Variants in KCNG4 observed in about 807,000 individuals in gnomAD.
The protein encoded by KCNG4 is voltage-gated potassium channel regulatory subunit KCNG4.
In KCNG4, 30 loss-of-function variants were observed where a neutral mutation model predicts 28.2. The observed-to-expected ratio is 1.06, with a 90% CI of 0.80 to 1.44. The LOEUF is 1.44. Among genes scored for constraint, KCNG4 ranks in the 40% most tolerant of loss-of-function variants. The pLI is 0.00. For synonymous variants in KCNG4, 375 were observed against 315.5 expected, an observed-to-expected ratio of 1.19 and a Z score of -2.00; for missense variants, 879 against 712.3, an observed-to-expected ratio of 1.23 and a Z score of -2.66.
chr16:84,237,810 C>A (rs1417418564), intron 1 of KCNG4, among the ~76,000 whole-genome samples: 1 of 152,164 alleles, frequency 6.6e-6, no homozygotes, highest in Non-Finnish European at 1.5e-5. Flanking sequence ...GTAATTCAGT[C>A]CTGAGCTGGA....
intron 2 of KCNG4, among the ~76,000 whole-genome samples, chr16:84,232,782 C>T (rs1904856432): frequency 6.6e-6 from 1 of 151,678 alleles, no homozygotes; most frequent in Non-Finnish European, 1.5e-5. Flanking sequence ...GCCTGTGGTC[C>T]CAGCTGCTCA....
chr16:84,230,214 G>A (rs1398625285), intron 2 of KCNG4, among the ~76,000 whole-genome samples: 1 of 152,138 alleles, frequency 6.6e-6, no homozygotes, highest in African/African-American at 2.4e-5. Context: ...AAACCAGCCT[G>A]GCCAACATGG....
chr16:84,229,495 T>G (rs1904774839), intron 2 of KCNG4, among the ~76,000 whole-genome samples: 1 of 152,222 alleles, frequency 6.6e-6, no homozygotes, highest in African/African-American at 2.4e-5. Flanking sequence ...CCACTGACTC[T>G]GAATCTCACA....
At chr16:84,225,488 C>T (rs537421157) in intron 2 of KCNG4, among the ~76,000 whole-genome samples, 7 of 152,280 alleles carry the variant, frequency 4.6e-5, no homozygotes, top group East Asian at 1.9e-4. Flanking sequence ...GGGTGGGGCC[C>T]GGGAATCTAC....
chr16:84,233,302 T>C (rs1426988695), intron 2 of KCNG4, among the ~76,000 whole-genome samples: 1 of 152,192 alleles, frequency 6.6e-6, no homozygotes, highest in African/African-American at 2.4e-5. Flanking sequence ...CATCTGGCCT[T>C]CGCACCATCA....
At chr16:84,227,134 C>G (rs74609913) in intron 2 of KCNG4, among the ~76,000 whole-genome samples, 2,441 of 152,242 alleles carry the variant, frequency 0.016, 84 homozygotes, top group African/African-American at 0.057. Context: ...AACTGGAACC[C>G]ATCACTACTG....
chr16:84,233,627 C>A (rs1038440129), intron 2 of KCNG4, among the ~76,000 whole-genome samples: 1 of 151,846 alleles, frequency 6.6e-6, no homozygotes, highest in African/African-American at 2.4e-5. Context: ...TCACTTGAGC[C>A]CAGGAGATGC....
chr16:84,229,182 C>G (rs1904766831), intron 2 of KCNG4, among the ~76,000 whole-genome samples: 1 of 152,046 alleles, frequency 6.6e-6, no homozygotes, highest in South Asian at 2.1e-4. Flanking sequence ...CACCTGTAAT[C>G]CGTTACTCGG....
Position 84,233,978 on chromosome 16 carries a change from C to T in KCNG4, c.756+2752G>A, listed in dbSNP as rs556410831. ...GGGGGTAGAAGTGGTATTCACTTCC[C>T]TATGCTGCCACAGGGATGAAATCAG... On this transcript the variant is annotated intron_variant, in intron 2 of 2. Transcript: ENST00000308251. Among the ~76,000 whole-genome samples, 18 of 152,244 alleles carry T rather than the reference C, an allele frequency of 1.2e-4. No homozygotes were observed. In the South Asian group the frequency reaches 3.5e-3, roughly 30 times the overall value.
At chr16:84,234,365 G>A (rs1036874213) in intron 2 of KCNG4, among the ~76,000 whole-genome samples, 2 of 151,902 alleles carry the variant, frequency 1.3e-5, no homozygotes, top group African/African-American at 2.4e-5. Context: ...TTTTAGTAGA[G>A]ATGGAGTTTT....
At chr16:84,227,956 C>G (rs1011744190) in intron 2 of KCNG4, among the ~76,000 whole-genome samples, 1 of 151,834 alleles carries the variant, frequency 6.6e-6, no homozygotes. Context: ...CACAGCTCCA[C>G]GATGATACTA....
Position 84,222,106 on chromosome 16 carries a change from T to C in KCNG4, c.*111A>G. The C allele has an allele frequency of 8.5e-7, 1 of 1,180,826 alleles. No individual in the cohort carries two copies. The highest frequency in any genetic ancestry group is 2.4e-5 in the East Asian group (1 of 42,436). The allele number at this position is 1,180,826 out of a possible 1,614,324, so 73.1% of individuals were successfully genotyped here. A position where few individuals can be genotyped will look rare whatever the true frequency, so the allele number is the denominator to read the frequency against. ...CCTTATGCCCCTCCAGCTTTGAAAG[T>C]CTTCCCTGGGCTCTAGAAACACCAC... On this transcript the variant is annotated 3_prime_UTR_variant, in exon 3 of 3. Transcript: ENST00000308251.
chr16:84,228,977 G>C (rs539067355), intron 2 of KCNG4, among the ~76,000 whole-genome samples: 2 of 152,354 alleles, frequency 1.3e-5, no homozygotes, highest in South Asian at 4.1e-4. Context: ...TTCTCTTCTA[G>C]AGGTTCCAGC....
intron 2 of KCNG4, among the ~76,000 whole-genome samples, chr16:84,229,106 C>A (rs555081374): frequency 1.3e-5 from 2 of 152,200 alleles, no homozygotes; most frequent in Non-Finnish European, 2.9e-5. Flanking sequence ...TTGAGACCAG[C>A]CTGGCCAGTG....
At chr16:84,232,212 T>C (rs1449426821) in intron 2 of KCNG4, among the ~76,000 whole-genome samples, 1 of 152,206 alleles carries the variant, frequency 6.6e-6, no homozygotes, top group South Asian at 2.1e-4. Context: ...GATAAACCAA[T>C]AGTGGCATAT....
At position 84,222,195 on chromosome 16, in the gene KCNG4, TG is replaced by T; in HGVS notation, c.*21del. The T allele has an allele frequency of 3.7e-6, 6 of 1,611,498 alleles. No homozygotes were observed. Among genetic ancestry groups the T allele is most frequent in the Non-Finnish European group, 5.1e-6 (6 of 1,178,440 alleles). On this transcript the variant is annotated 3_prime_UTR_variant, in exon 3 of 3. Transcript: ENST00000308251. ...GCAGGGTGATGGGTTGAGGTTACCA[TG>T]TAGTCATGGGGGGTGCTGAGTTACA...
rs201846853 is a variant in KCNG4, at chr16:84,222,334, G to C, written c.1443C>G (p.Thr481=). The C allele has an allele frequency of 9.9e-6, 16 of 1,613,986 alleles. No homozygotes were observed. The highest frequency in any genetic ancestry group is 1.7e-5 in the Admixed American group (1 of 59,986). Residue 481 remains threonine (T), a synonymous_variant, in exon 3 of 3, where the codon ACC becomes ACG. Coordinates refer to ENST00000308251, the MANE Select transcript of KCNG4 (RefSeq NM_172347.3). ...LQARLRHLQN[T]GPASECELLD... is the part of the protein sequence containing the mutation. The stretch of plus-strand genomic sequence containing the variant: ...GGAGTTCACATTCACTGGCTGGACC[G>C]GTGTTTTGGAGGTGGCGGAGGCGGG...
Position 84,222,264 on chromosome 16 carries a change from T to G in KCNG4, c.1513A>C (p.Asn505His). 6.2e-7 allele frequency: 1 copy of G among 1,614,166 alleles called. No individual in the cohort carries two copies. Among genetic ancestry groups the G allele is most frequent in the South Asian group, 1.1e-5 (1 of 91,082 alleles). The change falls in exon 3 of 3, where the codon AAT becomes CAT. Residue 505 changes from asparagine (N) to histidine (H), a missense_variant. Asn to His is a moderately conservative substitution (Grantham distance 68). Coordinates refer to ENST00000308251, the MANE Select transcript of KCNG4 (RefSeq NM_172347.3). ...ASEHELMNDVNDLILEGPALP... is the reference protein window; with the variant it reads ...ASEHELMNDVHDLILEGPALP... ...GCTGGGCCCTCCAGGATTAGGTCAT[T>G]GACATCGTTCATGAGCTCATGTTCA... is the stretch of plus-strand genomic sequence containing the variant.
At chr16:84,224,202 A>G (rs918766104) in intron 2 of KCNG4, among the ~76,000 whole-genome samples, 5 of 152,094 alleles carry the variant, frequency 3.3e-5, no homozygotes, top group Non-Finnish European at 7.4e-5. Context: ...TTTGACAGGC[A>G]CTGTTCTAGT....
Sources: allele counts gnomAD v4.1 joint callset (sites outside exome capture counted in the v4.1 genomes callset), GRCh38; gene constraint gnomAD v4.1.1; transcripts MANE v1.5; gene names NCBI Gene and HGNC (gene_info 2026-07-23, HGNC 2026-07-21).